SH3BGRL2: variants seen among roughly 807,000 people sequenced by gnomAD.
The protein encoded by SH3BGRL2 is SH3 domain binding glutamate rich protein like 2.
SH3BGRL2 carries 21 observed loss-of-function variants against 14.8 expected under a neutral mutation model. The observed-to-expected ratio is 1.42, with a 90% CI of 1.01 to 2.05. The LOEUF (loss-of-function observed/expected upper bound fraction) is 2.05. Among genes scored for constraint, SH3BGRL2 ranks in the 30% most tolerant of loss-of-function variants. SH3BGRL2 has a pLI of 0.00. For synonymous variants in SH3BGRL2, 50 were observed against 47.8 expected, an observed-to-expected ratio of 1.05 and a Z score of -0.19; for missense variants, 147 against 130.8, an observed-to-expected ratio of 1.12 and a Z score of -0.61.
Position 79,635,529 on chromosome 6 carries a change from G to A in SH3BGRL2, c.45+4023G>A, listed in dbSNP as rs142415565. Among the ~76,000 whole-genome samples, 48 of 152,372 alleles carry A rather than the reference G, an allele frequency of 3.2e-4. 1 individual carries two copies. The East Asian group carries it at 7.7e-3, about 24-fold the overall frequency. ...TGTATATGATGGTCAGAACAGACATGTACTCTGCCCTCATGGCATAAATCA... is the reference window on the plus strand; with the variant it reads ...TGTATATGATGGTCAGAACAGACATATACTCTGCCCTCATGGCATAAATCA... On this transcript the variant is annotated intron_variant, in intron 1 of 3. Coordinates refer to ENST00000369838, the MANE Select transcript of SH3BGRL2 (RefSeq NM_031469.4).
chr6:79,567,845 G>A, the SH3BGRL2 span, among the ~76,000 whole-genome samples: 1 of 145,544 alleles, frequency 6.9e-6, no homozygotes, highest in Non-Finnish European at 1.5e-5. Flanking sequence ...TCTAACACAT[G>A]TTAATTAGAA....
intron 2 of SH3BGRL2, among the ~76,000 whole-genome samples, chr6:79,685,332 A>C (rs1770070084): frequency 6.6e-6 from 1 of 152,178 alleles, no homozygotes; most frequent in Non-Finnish European, 1.5e-5. Context: ...TAATGAAGAG[A>C]GAACAAAACT....
At chr6:79,690,757 A>G (rs979559983) in intron 2 of SH3BGRL2, among the ~76,000 whole-genome samples, 2 of 152,182 alleles carry the variant, frequency 1.3e-5, no homozygotes, top group Admixed American at 6.6e-5. Context: ...AAGTAGAAGT[A>G]TAACACCCCC....
chr6:79,631,787 G>T (rs1391409547), intron 1 of SH3BGRL2, among the ~76,000 whole-genome samples: 2 of 152,228 alleles, frequency 1.3e-5, no homozygotes, highest in Non-Finnish European at 2.9e-5. Context: ...CTCCTGTTGT[G>T]TGGCATGGAA....
intron 2 of SH3BGRL2, among the ~76,000 whole-genome samples, chr6:79,683,288 TATGGGA>T (rs1770027572): frequency 6.6e-6 from 1 of 152,222 alleles, no homozygotes; most frequent in South Asian, 2.1e-4. Context: ...ATTTCACATT[TATGGGA>T]CCTGCTTCAA....
chr6:79,642,915 G>A (rs1769059891), intron 1 of SH3BGRL2, among the ~76,000 whole-genome samples: 1 of 152,144 alleles, frequency 6.6e-6, no homozygotes, highest in Non-Finnish European at 1.5e-5. Context: ...TGAAACATAA[G>A]TTGGGCTGGC....
the SH3BGRL2 span, among the ~76,000 whole-genome samples, chr6:79,538,590 A>C: frequency 6.6e-6 from 1 of 152,226 alleles, no homozygotes; most frequent in Non-Finnish European, 1.5e-5. Context: ...CTCTGCTGAC[A>C]CTGTTAAAAT....
chr6:79,544,814 T>G, the SH3BGRL2 span, among the ~76,000 whole-genome samples: 1 of 152,220 alleles, frequency 6.6e-6, no homozygotes, highest in Non-Finnish European at 1.5e-5. Context: ...TTTAAGTTGT[T>G]ATTTGGAGTA....
At chr6:79,570,304 G>A in the SH3BGRL2 span, among the ~76,000 whole-genome samples, 1 of 152,188 alleles carries the variant, frequency 6.6e-6, no homozygotes, top group African/African-American at 2.4e-5. Context: ...TCTAGGGCAA[G>A]GATGGTTGCA....
At chr6:79,699,324 G>A in intron 3 of SH3BGRL2, among the ~76,000 whole-genome samples, 174 bp from the exon 4 acceptor site, 1 of 151,950 alleles carries the variant, frequency 6.6e-6, no homozygotes. Flanking sequence ...TTAAATCTGG[G>A]CTCTGATGCT....
In SH3BGRL2 at chr6:79,631,353, G is replaced by A. The variant is rs1768818690; in HGVS notation, c.-109G>A. On this transcript the variant is annotated 5_prime_UTR_variant, in exon 1 of 4. Transcript: ENST00000369838. ...CAGATCCCAGCGATCTTCCCCGACG[G>A]CAGCGCTTTACCCAGAGGCTGCCGG... is the stretch of plus-strand genomic sequence containing the variant. 4 of 1,015,084 alleles carry A rather than the reference G, an allele frequency of 3.9e-6. No homozygotes were observed. The highest frequency in any genetic ancestry group is 3.4e-5 in the African/African-American group (2 of 59,278). 62.9% of individuals were successfully genotyped at this position (1,015,084 alleles called of 1,614,324 possible). A position where few individuals can be genotyped will look rare whatever the true frequency, so the allele number is the denominator to read the frequency against.
At chr6:79,662,898 A>C (rs1282548277) in intron 1 of SH3BGRL2, among the ~76,000 whole-genome samples, 1 of 152,014 alleles carries the variant, frequency 6.6e-6, no homozygotes, top group African/African-American at 2.4e-5. Flanking sequence ...TGTTAATTTT[A>C]TCTTCAATCA....
Position 79,685,787 on chromosome 6 carries a change from G to T in SH3BGRL2, c.232-10698G>T, listed in dbSNP as rs117652974. Among the ~76,000 whole-genome samples the T allele has an allele frequency of 3.3e-3, 507 of 152,192 alleles. 1 individual carries two copies. The highest frequency in any genetic ancestry group is 5.6e-3 in the Non-Finnish European group (378 of 68,012). ...AATCCTACTTTACTAAATCCCTGTG[G>T]CTTAAGGGAGAATGACACAAATGTC... On this transcript the variant is annotated intron_variant, in intron 2 of 3. Coordinates refer to ENST00000369838, the MANE Select transcript of SH3BGRL2 (RefSeq NM_031469.4).
At chr6:79,690,431 CA>C (rs1173683343) in intron 2 of SH3BGRL2, among the ~76,000 whole-genome samples, 10 of 152,250 alleles carry the variant, frequency 6.6e-5, no homozygotes, top group East Asian at 3.9e-4. Context: ...TTAAACAAGA[CA>C]GGGGCAATTT....
At chr6:79,633,521 C>T (rs1420433710) in intron 1 of SH3BGRL2, among the ~76,000 whole-genome samples, 1 of 152,026 alleles carries the variant, frequency 6.6e-6, no homozygotes, top group Non-Finnish European at 1.5e-5. Flanking sequence ...GCTCAGATCC[C>T]CTCAATGCCC....
chr6:79,578,490 T>G, the SH3BGRL2 span, among the ~76,000 whole-genome samples: 7 of 152,162 alleles, frequency 4.6e-5, no homozygotes, highest in Non-Finnish European at 1.0e-4. Flanking sequence ...CCTTTGCTGG[T>G]GATACCCAGG....
At chr6:79,570,256 T>C in the SH3BGRL2 span, among the ~76,000 whole-genome samples, 1 of 152,112 alleles carries the variant, frequency 6.6e-6, no homozygotes, top group Non-Finnish European at 1.5e-5. Context: ...ACACAACAAC[T>C]GTTGCCTGCC....
chr6:79,682,117 T>G (rs146726072), intron 2 of SH3BGRL2, among the ~76,000 whole-genome samples: 1 of 152,288 alleles, frequency 6.6e-6, no homozygotes, highest in East Asian at 1.9e-4. Flanking sequence ...TAAAAGTATT[T>G]ATGATGAATT....
chr6:79,541,766 T>TA, the SH3BGRL2 span, among the ~76,000 whole-genome samples: 1 of 152,196 alleles, frequency 6.6e-6, no homozygotes, highest in African/African-American at 2.4e-5. Context: ...GGAATGCTGT[T>TA]ACTAGAAGAA....
Sources: allele counts gnomAD v4.1 joint callset (sites outside exome capture counted in the v4.1 genomes callset), GRCh38; gene constraint gnomAD v4.1.1; transcripts MANE v1.5; gene names NCBI Gene and HGNC (gene_info 2026-07-23, HGNC 2026-07-21).